NBEA: variants seen among roughly 807,000 people sequenced by gnomAD.
NBEA encodes the protein lysosomal-trafficking regulator 2.
A neutral mutation model predicts 343.4 loss-of-function variants in NBEA; 44 were observed. The ratio of observed to expected loss-of-function variants is 0.13; its 90% CI spans 0.10 to 0.16. NBEA has a LOEUF of 0.16. Among genes scored for constraint, NBEA ranks in the 10% least tolerant of loss-of-function variants. The pLI, the probability that NBEA is intolerant of heterozygous loss-of-function variation, is 1.00. For missense variants in NBEA, 2,555 were observed against 3,631.3 expected (o/e 0.70, Z 7.62); for synonymous variants, 1,175 against 1,238.7 (o/e 0.95, Z 1.08).
At chr13:35,176,848 G>A in intron 27 of NBEA, 148 bp from the exon 28 acceptor site, 2 of 544,096 alleles carry the variant, frequency 3.7e-6, no homozygotes, top group Non-Finnish European at 6.5e-6. Context: ...CAGAAAATAT[G>A]CATTGTAATA....
chr13:35,049,666 TA>T (rs1245273031), intron 5 of NBEA, among the ~76,000 whole-genome samples: 1 of 151,832 alleles, frequency 6.6e-6, no homozygotes, highest in Non-Finnish European at 1.5e-5. Flanking sequence ...ATTTCAGTGG[TA>T]TCTGCATTTT....
chr13:35,432,477 CT>C, intron 39 of NBEA, 84 bp downstream of exon 39: 1 of 1,276,338 alleles, frequency 7.8e-7, no homozygotes, highest in Non-Finnish European at 1.0e-6. Context: ...TTTTTTTTCG[CT>C]AGTATTTAAT....
intron 55 of NBEA, among the ~76,000 whole-genome samples, chr13:35,664,654 T>C (rs2085263559): frequency 6.6e-6 from 1 of 152,236 alleles, no homozygotes; most frequent in African/African-American, 2.4e-5. Flanking sequence ...CTGTATGAAC[T>C]TGGGCAAGTT....
At chr13:35,472,165 A>C (rs1274603751) in intron 40 of NBEA, among the ~76,000 whole-genome samples, 1 of 152,206 alleles carries the variant, frequency 6.6e-6, no homozygotes, top group African/African-American at 2.4e-5. Flanking sequence ...ATTGAGCGTT[A>C]TTCGGTATCC....
In NBEA at chr13:35,005,872, G is replaced by A. The variant is rs7993654; in HGVS notation, c.295-35061G>A. Among the ~76,000 whole-genome samples the A allele has an allele frequency of 1.0e-2, 1,513 of 152,004 alleles. 9 individuals carry two copies. The highest frequency in any genetic ancestry group is 0.015 in the Non-Finnish European group (994 of 67,916). Reference sequence around the variant, plus strand: ...TAATTATTTTAGGCTTCCCTTTTTTGTTTTGTGTTTATGAATTACTTTGCA... The same window carrying A: ...TAATTATTTTAGGCTTCCCTTTTTTATTTTGTGTTTATGAATTACTTTGCA... On this transcript the variant is annotated intron_variant, in intron 1 of 58. Transcript: ENST00000379939.
At chr13:35,142,905 G>A (rs769051178) in intron 18 of NBEA, among the ~76,000 whole-genome samples, 26 of 152,144 alleles carry the variant, frequency 1.7e-4, no homozygotes, top group Non-Finnish European at 3.2e-4. Flanking sequence ...TTTGGGTTCA[G>A]TATTTTCTAG....
Position 35,359,736 on chromosome 13 carries a change from A to G in NBEA, c.6179+7413A>G, listed in dbSNP as rs376048286. ...TTCTTTGTTTATTTTAGCTTTTTGG[A>G]TATTTCCTATTGCTTAAACTACGTA... On this transcript the variant is annotated intron_variant, in intron 38 of 58. Transcript: ENST00000379939. Among the ~76,000 whole-genome samples the G allele has an allele frequency of 3.3e-5, 5 of 151,854 alleles. No homozygotes were observed. In the East Asian group the frequency reaches 9.7e-4, roughly 29 times the overall value.
intron 1 of NBEA, among the ~76,000 whole-genome samples, chr13:35,001,488 C>T (rs556698370): frequency 1.3e-5 from 2 of 152,098 alleles, no homozygotes; most frequent in East Asian, 3.9e-4. Flanking sequence ...TACTATTCGG[C>T]TATAAAAACA....
chr13:35,555,888 G>A (rs1281480885), intron 44 of NBEA, among the ~76,000 whole-genome samples: 2 of 151,842 alleles, frequency 1.3e-5, no homozygotes, highest in Non-Finnish European at 2.9e-5. Context: ...TTAGAGCTGT[G>A]TACTTCTCTG....
chr13:35,094,834 T>C (rs2065253766), intron 10 of NBEA, among the ~76,000 whole-genome samples: 1 of 151,944 alleles, frequency 6.6e-6, no homozygotes, highest in Admixed American at 6.6e-5. Flanking sequence ...AAAAGATTTT[T>C]CCCCCTTACT....
chr13:35,328,258 A>C (rs2038705138), intron 36 of NBEA, among the ~76,000 whole-genome samples: 1 of 152,050 alleles, frequency 6.6e-6, no homozygotes, highest in Admixed American at 6.6e-5. Flanking sequence ...AATAAAATAA[A>C]CCATTATAAT....
rs2085594759 is a variant in NBEA at position 35,671,018 on chromosome 13, T to C, written c.*27T>C. On this transcript the variant is annotated 3_prime_UTR_variant, in exon 59 of 59. Transcript: ENST00000379939. The stretch of plus-strand genomic sequence containing the variant: ...GATAAAGGAAGAACCAAAAGCCAAG[T>C]TAAAGCTGAGAGCACAAGTGCTGCA... The C allele has an allele frequency of 6.6e-7, 1 of 1,510,788 alleles. No individual in the cohort carries two copies. Among genetic ancestry groups the C allele is most frequent in the African/African-American group, 1.4e-5 (1 of 72,502 alleles). The allele number at this position is 1,510,788 out of a possible 1,614,324, so 93.6% of individuals were successfully genotyped here.
intron 34 of NBEA, among the ~76,000 whole-genome samples, chr13:35,274,142 G>T (rs934624877): frequency 6.6e-6 from 1 of 152,138 alleles, no homozygotes; most frequent in Admixed American, 6.5e-5. Flanking sequence ...GAATCCAGCA[G>T]CATATCAAAA....
intron 1 of NBEA, among the ~76,000 whole-genome samples, chr13:34,992,198 A>ATGTGTGTGTGTGTG (rs58578283): frequency 7.2e-6 from 1 of 138,786 alleles, no homozygotes; most frequent in African/African-American, 2.6e-5. Context: ...GTGTATATAT[A>ATGTGTGTGTGTGTG]TGTGTGTGTG....
At chr13:35,044,344 C>T (rs2062766052) in intron 2 of NBEA, among the ~76,000 whole-genome samples, 1 of 152,090 alleles carries the variant, frequency 6.6e-6, no homozygotes, top group Non-Finnish European at 1.5e-5. Flanking sequence ...AATAATGGTA[C>T]TTACCTCATA....
intron 18 of NBEA, among the ~76,000 whole-genome samples, chr13:35,154,819 C>T (rs957138517): frequency 3.9e-5 from 6 of 151,996 alleles, no homozygotes; most frequent in Non-Finnish European, 8.8e-5. Flanking sequence ...GAAGAACTTT[C>T]CCTTGTCACA....
rs1465200527 is a variant in NBEA at position 34,942,540 on chromosome 13, C to T, written c.-281C>T. On this transcript the variant is annotated 5_prime_UTR_variant, in exon 1 of 59. Coordinates refer to ENST00000379939, the MANE Select transcript of NBEA (RefSeq NM_001385012.1). The stretch of plus-strand genomic sequence containing the variant: ...GAGGCAGCGGCGGCGGCAGCGGCAG[C>T]GGCAGCGGCACACCTGCTGGGCGGG... 5.0e-6 allele frequency: 1 copy of T among 199,646 alleles called. No individual in the cohort carries two copies. Among genetic ancestry groups the T allele is most frequent in the Non-Finnish European group, 9.5e-6 (1 of 105,146 alleles). The allele number at this position is 199,646 out of a possible 1,614,324, so 12.4% of individuals were successfully genotyped here.
intron 38 of NBEA, among the ~76,000 whole-genome samples, chr13:35,361,389 C>CTTTGT (rs1379622912): frequency 7.9e-5 from 12 of 152,132 alleles, no homozygotes; most frequent in African/African-American, 2.6e-4. Flanking sequence ...CAGAAGCGTT[C>CTTTGT]TTTGTTTTGT....
chr13:35,091,443 C>T lies in NBEA; in HGVS notation c.1572-6854C>T, dbSNP rs141195326. Among the ~76,000 whole-genome samples the T allele has an allele frequency of 1.4e-3, 210 of 151,964 alleles. 1 individual carries two copies. The highest frequency in any genetic ancestry group is 5.0e-3 in the African/African-American group (206 of 41,482). ...ATCTAATCCAAATTACAAGTTGTAG[C>T]TGCTACAATAAGGTAAGAAAATGAA... On this transcript the variant is annotated intron_variant, in intron 10 of 58. Coordinates refer to ENST00000379939, the MANE Select transcript of NBEA (RefSeq NM_001385012.1).
Sources: gnomAD v4.1 joint callset for allele counts (sites outside exome capture counted in the v4.1 genomes callset) on GRCh38, gnomAD v4.1.1 for gene constraint, MANE v1.5 for transcripts, NCBI Gene and HGNC (gene_info 2026-07-23, HGNC 2026-07-21) for gene names.